Variants in MS4A18 observed in about 807,000 individuals in gnomAD.
MS4A18 encodes the protein membrane spanning 4-domains A18.
Under a neutral mutation model 13.1 loss-of-function variants are expected in MS4A18, and 27 were observed. The observed-to-expected ratio is 2.06, with a 90% CI of 1.52 to 2.84. The LOEUF is 2.84. Among genes scored for constraint, MS4A18 ranks in the 30% most tolerant of loss-of-function variants. The pLI, the probability that MS4A18 is intolerant of heterozygous loss-of-function variation, is 0.00. For synonymous variants in MS4A18, 126 were observed against 76.5 expected (o/e 1.65, Z -3.38); for missense variants, 307 against 196.4 (o/e 1.56, Z -3.37).
chr11:60,725,472 G>A (rs1443050687), upstream of MS4A18, among the ~76,000 whole-genome samples: 1 of 152,262 alleles, frequency 6.6e-6, no homozygotes, highest in East Asian at 1.9e-4. Flanking sequence ...GGGATTACAG[G>A]CAGAACCATT....
At position 60,735,329 on chromosome 11, in the gene MS4A18, G is replaced by GT. The variant is rs1171633358; in HGVS notation, c.592-1644dup. 3.0e-3 allele frequency among the ~76,000 whole-genome samples: 411 copies of GT among 138,926 alleles called. 4 individuals carry two copies. Among genetic ancestry groups the GT allele is most frequent in the African/African-American group, 9.9e-3 (377 of 38,226 alleles). The allele number at this position is 138,926 out of a possible 152,430, so 91.1% of individuals were successfully genotyped here. On this transcript the variant is annotated intron_variant, in intron 2 of 5. Transcript: ENST00000529108. ...AGGTAACCACTATTTTCAATTTAAT[G>GT]TTTTTCTTTTTTTTTTTTTTTTGAG... is the stretch of plus-strand genomic sequence containing the variant.
chr11:60,740,799 G>C (rs187035868), intron 4 of MS4A18, among the ~76,000 whole-genome samples: 210 of 152,300 alleles, frequency 1.4e-3, no homozygotes, highest in African/African-American at 4.7e-3. Context: ...AGAGGCCAGA[G>C]AGAGCCCTGA....
At chr11:60,738,881 C>G in intron 3 of MS4A18, 21 bp from the exon 5 acceptor site, 1 of 702,994 alleles carries the variant, frequency 1.4e-6, no homozygotes, top group East Asian at 2.7e-5. Flanking sequence ...CTCCCTCTCT[C>G]CTCTCCCTCC....
At chr11:60,734,128 C>A (rs1853300476) in intron 2 of MS4A18, among the ~76,000 whole-genome samples, 2 of 152,070 alleles carry the variant, frequency 1.3e-5, no homozygotes. Flanking sequence ...TGGTGGTGTG[C>A]ACTTGTAGTC....
In MS4A18 at chr11:60,737,095, A is replaced by G. The variant is rs979601120; in HGVS notation, c.648+61A>G. ...GTTAGAATTTGACTCTCTACCAAACATGAAAAAAGGAGACTCACAGTAGTG... is the reference window on the plus strand; with the variant it reads ...GTTAGAATTTGACTCTCTACCAAACGTGAAAAAAGGAGACTCACAGTAGTG... On this transcript the variant is annotated intron_variant, in intron 3 of 5. Coordinates refer to ENST00000529108, the Ensembl canonical transcript of MS4A18. 1.3e-5 allele frequency: 9 copies of G among 700,462 alleles called. No homozygotes were observed. In the African/African-American group the frequency reaches 1.4e-4, roughly 11 times the overall value. 43.4% of individuals were successfully genotyped at this position (700,462 alleles called of 1,614,324 possible). A position where few individuals can be genotyped will look rare whatever the true frequency, so the allele number is the denominator to read the frequency against.
At chr11:60,733,208 C>A (rs563787526) in intron 1 of MS4A18, among the ~76,000 whole-genome samples, 8 of 152,244 alleles carry the variant, frequency 5.3e-5, no homozygotes, top group African/African-American at 1.7e-4. Flanking sequence ...TTTTCAGCCA[C>A]AACCCGGGCT....
chr11:60,736,386 T>C (rs11820304), intron 2 of MS4A18, among the ~76,000 whole-genome samples: 21,922 of 151,692 alleles, frequency 0.14, 1,712 homozygotes, highest in East Asian at 0.26. Context: ...AGCCCAGGCC[T>C]CCTCATTTCA....
intron 3 of MS4A18, among the ~76,000 whole-genome samples, chr11:60,737,289 G>A (rs994225231): frequency 1.3e-5 from 2 of 152,154 alleles, no homozygotes; most frequent in Non-Finnish European, 1.5e-5. Context: ...GGCAGAGCTG[G>A]GATTTGACCC....
intron 5 of MS4A18, among the ~76,000 whole-genome samples, chr11:60,743,027 A>C (rs1469675052): frequency 6.6e-6 from 1 of 152,222 alleles, no homozygotes; most frequent in Admixed American, 6.5e-5. Context: ...CAGTGAGATC[A>C]CCACTTTTCC....
chr11:60,730,890 C>G (rs190200373), intron 1 of MS4A18, among the ~76,000 whole-genome samples: 1 of 152,164 alleles, frequency 6.6e-6, no homozygotes, highest in Non-Finnish European at 1.5e-5. Flanking sequence ...GTCAGGAAAT[C>G]GAGACCATCC....
At chr11:60,733,334 C>T (rs943527213) in intron 1 of MS4A18, among the ~76,000 whole-genome samples, 200 bp from the exon 3 acceptor site, 9 of 152,306 alleles carry the variant, frequency 5.9e-5, no homozygotes, top group African/African-American at 1.9e-4. Flanking sequence ...AGTGCAAATT[C>T]GCATCACCTG....
At chr11:60,737,175 A>C in intron 3 of MS4A18, 141 bp downstream of exon 4, 1 of 631,518 alleles carries the variant, frequency 1.6e-6, no homozygotes, top group South Asian at 1.8e-5. Flanking sequence ...TATTCCAGTC[A>C]ATCCCCATCA....
At chr11:60,744,815 G>A (rs905086717), downstream of MS4A18, among the ~76,000 whole-genome samples, 4 of 152,208 alleles carry the variant, frequency 2.6e-5, no homozygotes, top group African/African-American at 9.6e-5. Flanking sequence ...ACACCTATTA[G>A]AATGGCTGAA....
At chr11:60,734,751 CACA>C (rs916040992) in intron 2 of MS4A18, among the ~76,000 whole-genome samples, 8 of 150,626 alleles carry the variant, frequency 5.3e-5, no homozygotes, top group Non-Finnish European at 1.2e-4. Flanking sequence ...TGGCTGGTTG[CACA>C]ACAATATGAA....
intron 3 of MS4A18, among the ~76,000 whole-genome samples, chr11:60,737,265 C>T (rs1197689360): frequency 6.6e-6 from 1 of 152,188 alleles, no homozygotes; most frequent in African/African-American, 2.4e-5. Flanking sequence ...CCTAAGATCA[C>T]ACAGTGAGTA....
intron 1 of MS4A18, among the ~76,000 whole-genome samples, chr11:60,731,859 G>T (rs149718904): frequency 6.6e-6 from 1 of 152,128 alleles, no homozygotes; most frequent in Non-Finnish European, 1.5e-5. Context: ...AGCCAGATTT[G>T]CTTCAGCCTC....
intron 1 of MS4A18, 83 bp from the exon 3 acceptor site, chr11:60,733,451 G>A (rs1041435379): frequency 2.0e-5 from 14 of 697,158 alleles, no homozygotes; most frequent in African/African-American, 3.5e-5. Context: ...GTGATTCTGG[G>A]GCACAGCCAG....
At chr11:60,735,500 A>ATTTTTTTTT (rs56136215) in intron 2 of MS4A18, among the ~76,000 whole-genome samples, 738 of 109,770 alleles carry the variant, frequency 6.7e-3, no homozygotes, top group Non-Finnish European at 9.2e-3. Context: ...TGCCCGGCTA[A>ATTTTTTTTT]TTTTTTTTTT....
At chr11:60,736,911 G>A (rs552552394) in intron 2 of MS4A18, 67 bp from the exon 4 acceptor site, 1 of 683,556 alleles carries the variant, frequency 1.5e-6, no homozygotes, top group African/African-American at 1.8e-5. Context: ...GTCTCTGAGT[G>A]GACAGCTGTC....
Sources: allele counts gnomAD v4.1 joint callset (sites outside exome capture counted in the v4.1 genomes callset), GRCh38; gene constraint gnomAD v4.1.1; transcripts MANE v1.5; gene names NCBI Gene and HGNC (gene_info 2026-07-23, HGNC 2026-07-21).